Variants in DPH6 observed in about 807,000 individuals in gnomAD.
The protein encoded by DPH6 is diphthamine biosynthesis 6, also known as diphthine--ammonia ligase.
A neutral mutation model predicts 38.2 loss-of-function variants in DPH6; 33 were observed. The ratio of observed to expected loss-of-function variants is 0.86; its 90% CI spans 0.65 to 1.15. The LOEUF is 1.15. Among genes scored for constraint, DPH6 ranks in the 50% most tolerant of loss-of-function variants. The pLI is 0.00. For synonymous variants in DPH6, 108 were observed against 103.0 expected (o/e 1.05, Z -0.30); for missense variants, 325 against 320.0 (o/e 1.02, Z -0.12).
chr15:35,464,319 T>A (rs2054102258), intron 3 of DPH6, among the ~76,000 whole-genome samples: 1 of 151,154 alleles, frequency 6.6e-6, no homozygotes, highest in African/African-American at 2.4e-5. Context: ...AAGGCAAATA[T>A]GTGACATAAG....
intron 3 of DPH6, among the ~76,000 whole-genome samples, chr15:35,319,507 G>A (rs2052221685): frequency 1.3e-5 from 2 of 152,110 alleles, no homozygotes; most frequent in Admixed American, 6.5e-5. Context: ...TCTGGAGGCC[G>A]AGGCAGACGG....
chr15:35,365,569 G>A (rs1432100679), intron 3 of DPH6, among the ~76,000 whole-genome samples: 7 of 151,976 alleles, frequency 4.6e-5, no homozygotes, highest in Non-Finnish European at 1.0e-4. Context: ...AAATATAAAA[G>A]CTAAAAAAGA....
chr15:35,151,541 A>C, the DPH6 span, among the ~76,000 whole-genome samples: 3 of 152,236 alleles, frequency 2.0e-5, no homozygotes, highest in African/African-American at 4.8e-5. Flanking sequence ...TGTTCTCCTC[A>C]TGTCTGCATG....
chr15:35,511,231 T>A (rs189276194), intron 3 of DPH6, among the ~76,000 whole-genome samples: 1 of 152,112 alleles, frequency 6.6e-6, no homozygotes, highest in Admixed American at 6.6e-5. Flanking sequence ...CCAAGAGACA[T>A]AAAACAGTGA....
chr15:35,503,779 T>A (rs1378785696), intron 3 of DPH6, among the ~76,000 whole-genome samples: 2 of 152,106 alleles, frequency 1.3e-5, no homozygotes, highest in Middle Eastern at 3.2e-3. Context: ...ACAGCAATTC[T>A]ACGAGGTAGG....
intron 3 of DPH6, among the ~76,000 whole-genome samples, chr15:35,308,861 A>G (rs1595471046): frequency 1.3e-5 from 2 of 152,246 alleles, no homozygotes; most frequent in African/African-American, 4.8e-5. Flanking sequence ...TACTGCCAAA[A>G]TAAACAAGCT....
At chr15:35,296,717 C>T (rs973123557) in intron 3 of DPH6, among the ~76,000 whole-genome samples, 4 of 151,986 alleles carry the variant, frequency 2.6e-5, no homozygotes, top group Admixed American at 1.3e-4. Flanking sequence ...GCTGCCCAAT[C>T]TTACTATATT....
chr15:35,208,268 T>C, the DPH6 span, among the ~76,000 whole-genome samples: 1 of 152,206 alleles, frequency 6.6e-6, no homozygotes, highest in Admixed American at 6.5e-5. Flanking sequence ...GCAGCAAAAA[T>C]AAATTAAAAT....
chr15:35,324,103 C>A (rs1037140735), intron 3 of DPH6, among the ~76,000 whole-genome samples: 1 of 152,100 alleles, frequency 6.6e-6, no homozygotes, highest in Non-Finnish European at 1.5e-5. Context: ...GCTTCATCAT[C>A]TGCAAAATGG....
At chr15:35,363,290 TTC>T (rs2140909341) in intron 3 of DPH6, among the ~76,000 whole-genome samples, 1 of 152,292 alleles carries the variant, frequency 6.6e-6, no homozygotes, top group Admixed American at 6.5e-5. Context: ...TACTGTCAAT[TTC>T]TGTTACATAT....
intron 3 of DPH6, among the ~76,000 whole-genome samples, chr15:35,505,959 C>A (rs190690804): frequency 6.4e-4 from 97 of 152,180 alleles, no homozygotes; most frequent in African/African-American, 2.2e-3. Context: ...AAATTTTATA[C>A]TCTAAAGAGA....
the DPH6 span, among the ~76,000 whole-genome samples, chr15:35,198,706 T>C: frequency 1.3e-5 from 2 of 152,174 alleles, no homozygotes; most frequent in African/African-American, 2.4e-5. Flanking sequence ...TTGAAAGTAA[T>C]AGTGTAACAG....
intron 3 of DPH6, among the ~76,000 whole-genome samples, chr15:35,263,398 C>CTTTTT (rs757916530): frequency 2.0e-5 from 2 of 99,012 alleles, no homozygotes; most frequent in African/African-American, 4.2e-5. Context: ...CATAATTAAT[C>CTTTTT]TTTTTTTTTT....
intron 3 of DPH6, among the ~76,000 whole-genome samples, chr15:35,280,020 GC>G (rs2051888135): frequency 6.6e-6 from 1 of 152,192 alleles, no homozygotes; most frequent in Non-Finnish European, 1.5e-5. Context: ...AGAAGACAGA[GC>G]CCTCATCAGA....
chr15:35,245,383 C>T (rs1253913648), intron 3 of DPH6, among the ~76,000 whole-genome samples: 6 of 151,696 alleles, frequency 4.0e-5, no homozygotes, highest in Middle Eastern at 3.2e-3. Context: ...GGACTACAGG[C>T]GCCCGCCACC....
chr15:35,473,880 T>A (rs564715969), intron 3 of DPH6, among the ~76,000 whole-genome samples: 143 of 151,820 alleles, frequency 9.4e-4, no homozygotes, highest in Non-Finnish European at 1.5e-3. Context: ...GGATACATTA[T>A]ACAAAAAAGG....
intron 5 of DPH6, among the ~76,000 whole-genome samples, chr15:35,443,774 TA>T (rs1055361246): frequency 6.6e-6 from 1 of 152,164 alleles, no homozygotes; most frequent in Non-Finnish European, 1.5e-5. Context: ...CAAGTTTCTG[TA>T]AAATTTGCTC....
intron 1 of DPH6, among the ~76,000 whole-genome samples, chr15:35,544,361 G>A (rs2055310791): frequency 6.6e-6 from 1 of 151,970 alleles, no homozygotes; most frequent in African/African-American, 2.4e-5. Flanking sequence ...GGGGGTTTGG[G>A]GGTTAGGGGA....
chr15:35,233,296 C>G (rs2051530973), intron 3 of DPH6, among the ~76,000 whole-genome samples: 1 of 152,014 alleles, frequency 6.6e-6, no homozygotes, highest in African/African-American at 2.4e-5. Context: ...GCAACAAGAG[C>G]AAAACTCTGT....
Sources: gnomAD v4.1 joint callset for allele counts (sites outside exome capture counted in the v4.1 genomes callset) on GRCh38, gnomAD v4.1.1 for gene constraint, MANE v1.5 for transcripts, NCBI Gene and HGNC (gene_info 2026-07-23, HGNC 2026-07-21) for gene names.